The following GPSM2 variants were observed in gnomAD, a reference collection of about 807,000 sequenced individuals.
GPSM2 encodes the protein G protein signaling modulator 2.
Under a neutral mutation model 78.4 loss-of-function variants are expected in GPSM2, and 58 were observed. The observed-to-expected ratio is 0.74, with a 90% CI of 0.60 to 0.92. The LOEUF is 0.92. GPSM2 is among the 40% of genes least tolerant of loss of function. GPSM2 has a pLI of 0.00. For synonymous variants in GPSM2, 224 were observed against 280.2 expected (o/e 0.80, Z 2.00); for missense variants, 700 against 815.5 (o/e 0.86, Z 1.73).
intron 14 of GPSM2, among the ~76,000 whole-genome samples, chr1:108,925,034 C>CA: frequency 6.6e-6 from 1 of 152,228 alleles, no homozygotes; most frequent in East Asian, 1.9e-4. Context: ...CATAGGGCTA[C>CA]ATTATTAGCT....
chr1:108,929,017 G>C (rs1651422705), intron 14 of GPSM2, among the ~76,000 whole-genome samples: 1 of 142,734 alleles, frequency 7.0e-6, no homozygotes, highest in African/African-American at 2.5e-5. Flanking sequence ...ATTCATTCTG[G>C]GCTATTTCTT....
At chr1:108,889,556 T>C (rs189796981) in intron 2 of GPSM2, among the ~76,000 whole-genome samples, 52 of 152,346 alleles carry the variant, frequency 3.4e-4, no homozygotes, top group Non-Finnish European at 5.4e-4. Flanking sequence ...TATTTAAGAA[T>C]GTTAACACAG....
chr1:108,921,376 T>C (rs1557878171), intron 12 of GPSM2, among the ~76,000 whole-genome samples: 1 of 150,456 alleles, frequency 6.6e-6, no homozygotes, highest in Non-Finnish European at 1.5e-5. Context: ...GTCAAGATCA[T>C]ACCACTGCAC....
At position 108,889,098 on chromosome 1, in the gene GPSM2, G is replaced by A. The variant is rs540661214; in HGVS notation, c.56+3520G>A. ...CAGTTGTTTGAAAGGCTTGTTCCCCGGTGCTGTAAAGAAATAGCACTTGAA... is the reference window on the plus strand; with the variant it reads ...CAGTTGTTTGAAAGGCTTGTTCCCCAGTGCTGTAAAGAAATAGCACTTGAA... On this transcript the variant is annotated intron_variant, in intron 2 of 14. Transcript: ENST00000264126. 2.3e-4 allele frequency among the ~76,000 whole-genome samples: 35 copies of A among 152,168 alleles called. 1 individual carries two copies. Among genetic ancestry groups the A allele is most frequent in the African/African-American group, 4.3e-4 (18 of 41,506 alleles).
intron 10 of GPSM2, among the ~76,000 whole-genome samples, chr1:108,906,860 G>A (rs974504080): frequency 4.6e-5 from 7 of 152,098 alleles, no homozygotes; most frequent in Non-Finnish European, 7.4e-5. Context: ...GTGCAGTGAC[G>A]GAACTATAGG....
chr1:108,931,573 T>C lies in GPSM2; in HGVS notation c.*1633T>C. Reference sequence around the variant, plus strand: ...TGGGCAAATAGAACTATTTCTCTAATGGCCAATGTTTTTTAAGAGTCATAA... The same window carrying C: ...TGGGCAAATAGAACTATTTCTCTAACGGCCAATGTTTTTTAAGAGTCATAA... On this transcript the variant is annotated 3_prime_UTR_variant, in exon 15 of 15. Coordinates refer to ENST00000264126, the MANE Select transcript of GPSM2 (RefSeq NM_013296.5). 3 of 1,442,478 alleles carry C rather than the reference T, an allele frequency of 2.1e-6. No individual in the cohort carries two copies. Among genetic ancestry groups the C allele is most frequent in the Admixed American group, 5.4e-5 (2 of 37,208 alleles). 89.4% of individuals were successfully genotyped at this position (1,442,478 alleles called of 1,614,324 possible).
intron 1 of GPSM2, among the ~76,000 whole-genome samples, chr1:108,883,331 T>C (rs185762185): frequency 7.9e-5 from 12 of 152,338 alleles, no homozygotes; most frequent in Admixed American, 5.9e-4. Flanking sequence ...GTTTATGATA[T>C]AGCTGAAATA....
chr1:108,929,238 AC>A (rs369158466), intron 14 of GPSM2, among the ~76,000 whole-genome samples: 18 of 152,320 alleles, frequency 1.2e-4, no homozygotes, highest in African/African-American at 4.3e-4. Context: ...GCACTGGGTT[AC>A]AGTTTGCTGT....
In GPSM2 at chr1:108,931,706, A is replaced by G. The variant is rs1007703313; in HGVS notation, c.*1766A>G. 11 of 487,572 alleles carry G rather than the reference A, an allele frequency of 2.3e-5. No homozygotes were observed. The South Asian group carries it at 4.7e-4, about 21-fold the overall frequency. The allele number at this position is 487,572 out of a possible 1,614,324, so 30.2% of individuals were successfully genotyped here. A position where few individuals can be genotyped will look rare whatever the true frequency, so the allele number is the denominator to read the frequency against. ...TATACTATAAGGTATGATGTCCTGG[A>G]TAGCATTTTAAAAACTCAGGTAAGT... On this transcript the variant is annotated 3_prime_UTR_variant, in exon 15 of 15. Coordinates refer to ENST00000264126, the MANE Select transcript of GPSM2 (RefSeq NM_013296.5).
In GPSM2 at chr1:108,929,743, A is replaced by G. The variant is rs770712392; in HGVS notation, c.1858A>G (p.Thr620Ala). 3.1e-6 allele frequency: 5 copies of G among 1,613,274 alleles called. No individual in the cohort carries two copies. Among genetic ancestry groups the G allele is most frequent in the Non-Finnish European group, 8.5e-7 (1 of 1,179,254 alleles). Reference sequence around the variant, plus strand: ...TCAAAGATGTGCTCCACCACCTGCTACCACAAAGGGTCCGACAGTACCAGA... The same window carrying G: ...TCAAAGATGTGCTCCACCACCTGCTGCCACAAAGGGTCCGACAGTACCAGA... Reference protein sequence around the residue: ...DDQRCAPPPATTKGPTVPDED... With the variant: ...DDQRCAPPPAATKGPTVPDED... The change falls in exon 15 of 15, where the codon ACC becomes GCC. Residue 620 changes from threonine to alanine, a missense_variant. By Grantham distance (58) the Thr-to-Ala change is moderately conservative. Transcript: ENST00000264126.
chr1:108,882,469 TG>T (rs1265514842), intron 1 of GPSM2: 1 of 152,234 alleles, frequency 6.6e-6, no homozygotes, highest in Non-Finnish European at 1.5e-5. Flanking sequence ...TATATGGTAT[TG>T]TTTAGGGAAC....
intron 14 of GPSM2, 106 bp from the exon 15 acceptor site, chr1:108,929,595 A>C: frequency 1.0e-6 from 1 of 980,976 alleles, no homozygotes; most frequent in Admixed American, 1.9e-5. Flanking sequence ...AGAAGCCCCA[A>C]ATAAAAGTTT....
At position 108,932,904 on chromosome 1, in the gene GPSM2, T is replaced by C. The variant is rs1643832724; in HGVS notation, c.*2964T>C. 6.6e-6 allele frequency: 1 copy of C among 152,348 alleles called. No individual in the cohort carries two copies. The highest frequency in any genetic ancestry group is 1.9e-4 in the East Asian group (1 of 5,188). 9.4% of individuals were successfully genotyped at this position (152,348 alleles called of 1,614,324 possible). ...AATATTAAACTAGAATATATTAACA[T>C]GTATAATTTTGAGACAAGGTCTTGC... On this transcript the variant is annotated 3_prime_UTR_variant, in exon 15 of 15. Transcript: ENST00000264126.
chr1:108,919,043 T>C (rs1316265694), intron 12 of GPSM2, among the ~76,000 whole-genome samples: 2 of 152,148 alleles, frequency 1.3e-5, no homozygotes, highest in East Asian at 1.9e-4. Flanking sequence ...AATCTTGCTC[T>C]GTCACCCAGG....
chr1:108,933,425 G>A lies in GPSM2; in HGVS notation c.*3485G>A, dbSNP rs1304983701. ...TCCAAAGTGCTAGGACTGTAGGCAT[G>A]AGCCACTGCACCTGGCCTAAAATTA... On this transcript the variant is annotated 3_prime_UTR_variant, in exon 15 of 15. Coordinates refer to ENST00000264126, the MANE Select transcript of GPSM2 (RefSeq NM_013296.5). The A allele has an allele frequency of 2.2e-5, 3 of 137,864 alleles. No individual in the cohort carries two copies. Among genetic ancestry groups the A allele is most frequent in the Non-Finnish European group, 3.1e-5 (2 of 64,316 alleles). The allele number at this position is 137,864 out of a possible 1,614,324, so 8.5% of individuals were successfully genotyped here. A position where few individuals can be genotyped will look rare whatever the true frequency, so the allele number is the denominator to read the frequency against.
chr1:108,898,398 A>G (rs1394346402), intron 5 of GPSM2, among the ~76,000 whole-genome samples: 1 of 152,230 alleles, frequency 6.6e-6, no homozygotes, highest in Non-Finnish European at 1.5e-5. Flanking sequence ...CTACTTAACT[A>G]TAGGGGTTCC....
intron 11 of GPSM2, among the ~76,000 whole-genome samples, chr1:108,916,570 G>A (rs1048077114): frequency 6.6e-6 from 1 of 152,122 alleles, no homozygotes; most frequent in Admixed American, 6.6e-5. Flanking sequence ...CTTTTAAAAA[G>A]GCCATTTTTG....
rs1651519797 is a variant in GPSM2 at position 108,929,531 on chromosome 1, A to G, written c.1816-170A>G. On this transcript the variant is annotated intron_variant, in intron 14 of 14. Transcript: ENST00000264126. ...TTCAGGTTTAAAGATTATTTCTTTC[A>G]GAAATCAGGCTGGGAACTAAAGAGA... 10 of 658,638 alleles carry G rather than the reference A, an allele frequency of 1.5e-5. No homozygotes were observed. The South Asian group carries it at 1.9e-4, about 13-fold the overall frequency. 40.8% of individuals were successfully genotyped at this position (658,638 alleles called of 1,614,324 possible).
intron 1 of GPSM2, among the ~76,000 whole-genome samples, chr1:108,878,501 C>T (rs1306312189): frequency 6.6e-6 from 1 of 152,128 alleles, no homozygotes. Flanking sequence ...GTGTTACAAA[C>T]ATATTTTAAT....
Sources: allele counts gnomAD v4.1 joint callset (sites outside exome capture counted in the v4.1 genomes callset), GRCh38; gene constraint gnomAD v4.1.1; transcripts MANE v1.5; gene names NCBI Gene and HGNC (gene_info 2026-07-23, HGNC 2026-07-21).